PEX7: variants seen among roughly 807,000 people sequenced by gnomAD.
PEX7 encodes the protein PTS2 receptor.
A neutral mutation model predicts 47.5 loss-of-function variants in PEX7; 34 were observed. The observed-to-expected ratio is 0.72, with a 90% CI of 0.54 to 0.95. PEX7 has a LOEUF of 0.95. PEX7 is among the 40% of genes least tolerant of loss of function. The pLI is 0.00. For synonymous variants in PEX7, 141 were observed against 148.8 expected (o/e 0.95, Z 0.38); for missense variants, 394 against 400.3 (o/e 0.98, Z 0.13).
chr6:136,874,758 G>C (rs1378734028), intron 8 of PEX7, among the ~76,000 whole-genome samples: 1 of 149,812 alleles, frequency 6.7e-6, no homozygotes, highest in Non-Finnish European at 1.5e-5. Flanking sequence ...TTCTGATTTT[G>C]TATCTTTAAT....
intron 1 of PEX7, chr6:136,823,185 AGAACCGACCCAGG>A: frequency 1.0e-6 from 1 of 985,414 alleles, no homozygotes; most frequent in Non-Finnish European, 1.2e-6. Context: ...GGTCTGAGCC[AGAACCGACCCAGG>A]GCTCGCGAGT....
rs933501085 is a variant in PEX7, at chr6:136,822,890, G to T, written c.130+95G>T. 37 of 1,217,940 alleles carry T rather than the reference G, an allele frequency of 3.0e-5. No individual in the cohort carries two copies. The African/African-American group carries it at 4.6e-4, about 15-fold the overall frequency. The allele number at this position is 1,217,940 out of a possible 1,614,324, so 75.4% of individuals were successfully genotyped here. On this transcript the variant is annotated intron_variant, in intron 1 of 9. Transcript: ENST00000318471. ...CTCGCGCTCGAGGGAAAGCCCCTCT[G>T]AGCGTAGACGGTTCCGCGGGTCCAC...
intron 3 of PEX7, among the ~76,000 whole-genome samples, chr6:136,831,354 A>G (rs982028207): frequency 1.3e-5 from 2 of 152,300 alleles, no homozygotes; most frequent in South Asian, 4.1e-4. Flanking sequence ...CATGGGGGAA[A>G]CTGCCCCCAT....
At chr6:136,902,575 T>C (rs938557998) in intron 9 of PEX7, among the ~76,000 whole-genome samples, 1 of 152,188 alleles carries the variant, frequency 6.6e-6, no homozygotes, top group African/African-American at 2.4e-5. Context: ...TCGTTTTCTT[T>C]GAAAATTTTT....
At chr6:136,908,974 A>G (rs144716185) in intron 9 of PEX7, among the ~76,000 whole-genome samples, 160 of 152,278 alleles carry the variant, frequency 1.1e-3, no homozygotes, top group Middle Eastern at 3.4e-3. Context: ...ACATTCGATT[A>G]TAATGGCCCC....
chr6:136,847,580 A>G (rs1036456614), intron 5 of PEX7, among the ~76,000 whole-genome samples: 5 of 151,778 alleles, frequency 3.3e-5, no homozygotes, highest in African/African-American at 9.7e-5. Flanking sequence ...CAGTTTTCCC[A>G]GCACCATTTA....
At chr6:136,875,909 T>C (rs574371052) in intron 8 of PEX7, among the ~76,000 whole-genome samples, 1 of 152,358 alleles carries the variant, frequency 6.6e-6, no homozygotes, top group Admixed American at 6.5e-5. Flanking sequence ...TCACAGTTAA[T>C]GCTTTTTGTT....
chr6:136,822,649 CG>C lies in PEX7; in HGVS notation c.-12del, dbSNP rs1774096086. ...CTTCCGCGGCCGGGGCAGCGAGGGC[CG>C]GGGGCGGCGGGCGGGATGAGTGCGG... is the stretch of plus-strand genomic sequence containing the variant. On this transcript the variant is annotated 5_prime_UTR_variant, in exon 1 of 10. Transcript: ENST00000318471. 9 of 1,518,032 alleles carry C rather than the reference CG, an allele frequency of 5.9e-6. No homozygotes were observed. The East Asian group carries it at 7.6e-5, about 13-fold the overall frequency. The allele number at this position is 1,518,032 out of a possible 1,614,324, so 94.0% of individuals were successfully genotyped here. A position where few individuals can be genotyped will look rare whatever the true frequency, so the allele number is the denominator to read the frequency against.
chr6:136,822,816 T>C (rs1774104076), intron 1 of PEX7, 21 bp downstream of exon 1: 3 of 1,251,790 alleles, frequency 2.4e-6, no homozygotes, highest in Non-Finnish European at 3.0e-6. Flanking sequence ...GCCGCGCAGC[T>C]GGGGCCGGGG....
At chr6:136,829,934 C>G (rs970015741) in intron 3 of PEX7, 5 of 689,932 alleles carry the variant, frequency 7.2e-6, no homozygotes, top group Admixed American at 6.3e-5. Flanking sequence ...GAGACCCTGT[C>G]TTAAAAGAAA....
chr6:136,870,676 A>G (rs1775162204), intron 7 of PEX7: 1 of 339,574 alleles, frequency 2.9e-6, no homozygotes, highest in Non-Finnish European at 5.7e-6. Context: ...TAATAAGGTA[A>G]TTATGTTATT....
At chr6:136,875,071 A>T (rs1375691032) in intron 8 of PEX7, among the ~76,000 whole-genome samples, 1 of 152,128 alleles carries the variant, frequency 6.6e-6, no homozygotes, top group Non-Finnish European at 1.5e-5. Flanking sequence ...CCCAGGTGGC[A>T]GAAGTTGCAG....
At position 136,822,748 on chromosome 6, in the gene PEX7, T is replaced by C. The variant is rs901979664; in HGVS notation, c.83T>C (p.Leu28Pro). The change falls in exon 1 of 10, where the codon CTG becomes CCG. Residue 28 changes from leucine (L) to proline (P), a missense_variant. By Grantham distance (98) the Leu-to-Pro change is moderately conservative. Coordinates refer to ENST00000318471, the MANE Select transcript of PEX7 (RefSeq NM_000288.4). ...HGYAAEFSPY[L>P]PGRLACATAQ... Reference sequence around the variant, plus strand: ...TACGCCGCCGAGTTCTCCCCGTACCTGCCGGGCCGCCTGGCCTGCGCCACC... The same window carrying C: ...TACGCCGCCGAGTTCTCCCCGTACCCGCCGGGCCGCCTGGCCTGCGCCACC... 1 of 1,489,614 alleles carries C rather than the reference T, an allele frequency of 6.7e-7. No individual in the cohort carries two copies. Among genetic ancestry groups the C allele is most frequent in the Non-Finnish European group, 8.9e-7 (1 of 1,126,990 alleles). 92.3% of individuals were successfully genotyped at this position (1,489,614 alleles called of 1,614,324 possible).
At chr6:136,843,430 A>G (rs1363025941) in intron 3 of PEX7, among the ~76,000 whole-genome samples, 1 of 152,192 alleles carries the variant, frequency 6.6e-6, no homozygotes, top group East Asian at 1.9e-4. Context: ...AGATTTACAA[A>G]TAAAGTTTTT....
rs545054170 is a variant in PEX7, at chr6:136,831,753, T to G, written c.339+5284T>G. On this transcript the variant is annotated intron_variant, in intron 3 of 9. Transcript: ENST00000318471. ...CCCATGCAAGTCTGAAACCCAGCAG[T>G]GCAGTTACTAAATCTTAAAGCTCTG... Among the ~76,000 whole-genome samples the G allele has an allele frequency of 1.6e-4, 25 of 152,400 alleles. No homozygotes were observed. In the South Asian group the frequency reaches 5.2e-3, roughly 32 times the overall value.
intron 8 of PEX7, among the ~76,000 whole-genome samples, chr6:136,879,639 A>G (rs1206544106): frequency 1.3e-5 from 2 of 152,084 alleles, no homozygotes; most frequent in Non-Finnish European, 2.9e-5. Flanking sequence ...CTTTAAGTAT[A>G]TAGATTTGGG....
chr6:136,866,878 T>G (rs1231937630), intron 6 of PEX7, 145 bp downstream of exon 6: 2 of 724,762 alleles, frequency 2.8e-6, no homozygotes, highest in African/African-American at 3.5e-5. Context: ...AATTAATGAT[T>G]GTGACTGACC....
At chr6:136,828,174 A>G (rs1774231495) in intron 3 of PEX7, among the ~76,000 whole-genome samples, 1 of 152,144 alleles carries the variant, frequency 6.6e-6, no homozygotes, top group African/African-American at 2.4e-5. Flanking sequence ...TAAAACAGTA[A>G]TATTCATGAA....
intron 5 of PEX7, among the ~76,000 whole-genome samples, chr6:136,863,925 A>G (rs146696052): frequency 7.9e-5 from 12 of 152,250 alleles, no homozygotes; most frequent in Non-Finnish European, 1.0e-4. Context: ...GAATTAGCCA[A>G]CATTGATTGT....
Sources: gnomAD v4.1 joint callset for allele counts (sites outside exome capture counted in the v4.1 genomes callset) on GRCh38, gnomAD v4.1.1 for gene constraint, MANE v1.5 for transcripts, NCBI Gene and HGNC (gene_info 2026-07-23, HGNC 2026-07-21) for gene names.